The following COL6A6 variants were observed in gnomAD, a reference collection of about 807,000 sequenced individuals.
COL6A6 encodes collagen type VI alpha 6 chain.
A neutral mutation model predicts 208.6 loss-of-function variants in COL6A6; 183 were observed. That is an observed-to-expected ratio of 0.88 (90% CI 0.78 to 0.99). The LOEUF (loss-of-function observed/expected upper bound fraction) is 0.99, where lower values mean the gene tolerates loss of function less well. COL6A6 is among the 50% of genes least tolerant of loss of function. The pLI, the probability that COL6A6 is intolerant of heterozygous loss-of-function variation, is 0.00. For synonymous variants in COL6A6, 973 were observed against 1,011.8 expected (o/e 0.96, Z 0.73); for missense variants, 2,816 against 2,815.2 (o/e 1.00, Z -0.01).
intron 1 of COL6A6, among the ~76,000 whole-genome samples, chr3:130,525,518 C>A (rs1290071598): frequency 6.6e-6 from 1 of 152,168 alleles, no homozygotes; most frequent in African/African-American, 2.4e-5. Context: ...AATTTCAGAG[C>A]AGAAATGGAT....
chr3:130,650,177 C>T lies in COL6A6; in HGVS notation c.5733+615C>T, dbSNP rs373078355. ...CTTTAAAATATCCCGTTAATAGTGG[C>T]TCAGTGGCAGGGCTTCATCACTGGG... On this transcript the variant is annotated intron_variant, in intron 33 of 36. Coordinates refer to ENST00000358511, the MANE Select transcript of COL6A6 (RefSeq NM_001102608.3). 4.8e-4 allele frequency among the ~76,000 whole-genome samples: 73 copies of T among 152,252 alleles called. 2 individuals are homozygous for T. In the South Asian group the frequency reaches 0.015, roughly 31 times the overall value.
rs953103750 is a variant in COL6A6, at chr3:130,563,674, G to A, written c.661+10G>A. Reference sequence around the variant, plus strand: ...GACATCTTTGTAGAAGGTGGGCTTAGGATATGTGTATAGGAATGATGATAA... The same window carrying A: ...GACATCTTTGTAGAAGGTGGGCTTAAGATATGTGTATAGGAATGATGATAA... On this transcript the variant is annotated intron_variant, in intron 3 of 36. Coordinates refer to ENST00000358511, the MANE Select transcript of COL6A6 (RefSeq NM_001102608.3). The A allele has an allele frequency of 2.3e-5, 36 of 1,558,112 alleles. No homozygotes were observed. Among genetic ancestry groups the A allele is most frequent in the Non-Finnish European group, 2.9e-5 (33 of 1,132,620 alleles).
intron 34 of COL6A6, 53 bp downstream of exon 34, chr3:130,658,825 T>TG: frequency 7.7e-7 from 1 of 1,296,532 alleles, no homozygotes; most frequent in African/African-American, 1.5e-5. Context: ...GCATGATGAG[T>TG]CACCACTGGC....
chr3:130,654,790 C>A (rs2065744180), intron 33 of COL6A6, among the ~76,000 whole-genome samples: 1 of 152,146 alleles, frequency 6.6e-6, no homozygotes, highest in Non-Finnish European at 1.5e-5. Flanking sequence ...AGACCGGGGT[C>A]TTATTATTAC....
In COL6A6 at chr3:130,581,421, C is replaced by G. The variant is rs1185070786; in HGVS notation, c.3548-140C>G. ...AAAAGAGTTGATTCTTAGCCTCTTTCTTTATTCATTTATGCCTTTCTTTGT... is the reference window on the plus strand; with the variant it reads ...AAAAGAGTTGATTCTTAGCCTCTTTGTTTATTCATTTATGCCTTTCTTTGT... On this transcript the variant is annotated intron_variant, in intron 8 of 36. Transcript: ENST00000358511. 5.2e-6 allele frequency: 3 copies of G among 572,330 alleles called. No individual in the cohort carries two copies. In the African/African-American group the frequency reaches 5.6e-5, roughly 11 times the overall value. 35.5% of individuals were successfully genotyped at this position (572,330 alleles called of 1,614,324 possible). A position where few individuals can be genotyped will look rare whatever the true frequency, so the allele number is the denominator to read the frequency against.
chr3:130,616,518 A>G (rs901382957), intron 23 of COL6A6, among the ~76,000 whole-genome samples: 7 of 146,826 alleles, frequency 4.8e-5, no homozygotes, highest in African/African-American at 1.8e-4. Flanking sequence ...CCTTTGGTTT[A>G]CCTTAAGGTC....
Position 130,675,468 on chromosome 3 carries a change from T to G in COL6A6, c.*71T>G, listed in dbSNP as rs2066336853. 8.6e-7 allele frequency: 1 copy of G among 1,164,726 alleles called. No homozygotes were observed. The highest frequency in any genetic ancestry group is 1.6e-5 in the African/African-American group (1 of 64,194). The allele number at this position is 1,164,726 out of a possible 1,614,324, so 72.1% of individuals were successfully genotyped here. A position where few individuals can be genotyped will look rare whatever the true frequency, so the allele number is the denominator to read the frequency against. On this transcript the variant is annotated 3_prime_UTR_variant, in exon 37 of 37. Coordinates refer to ENST00000358511, the MANE Select transcript of COL6A6 (RefSeq NM_001102608.3). ...GGACTTAAATAGTAACTAAATCTGC[T>G]GCCAGAACTCAAGCAACAGTTTGTA...
chr3:130,565,424 C>G lies in COL6A6; in HGVS notation c.1092C>G (p.Thr364=). 6.2e-7 allele frequency: 1 copy of G among 1,613,846 alleles called. No homozygotes were observed. Among genetic ancestry groups the G allele is most frequent in the Non-Finnish European group, 8.5e-7 (1 of 1,179,850 alleles). Reference sequence around the variant, plus strand: ...GACGGGAGGGTGTGACCATCTTCACCCTGGGCATAGAGGGCGCCAGCGACA... The same window carrying G: ...GACGGGAGGGTGTGACCATCTTCACGCTGGGCATAGAGGGCGCCAGCGACA... The part of the protein sequence containing the change: ...NLRREGVTIF[T]LGIEGASDTQ... The change falls in exon 4 of 37, where the codon ACC becomes ACG. Residue 364 remains threonine (T), a synonymous_variant. Transcript: ENST00000358511.
At chr3:130,550,969 T>C (rs534872308) in intron 1 of COL6A6, among the ~76,000 whole-genome samples, 4 of 152,364 alleles carry the variant, frequency 2.6e-5, no homozygotes, top group African/African-American at 9.6e-5. Flanking sequence ...CATTTATTGA[T>C]TTGTGTGAGT....
At chr3:130,567,503 A>C (rs1326990330) in intron 5 of COL6A6, among the ~76,000 whole-genome samples, 2 of 152,236 alleles carry the variant, frequency 1.3e-5, no homozygotes, top group Non-Finnish European at 2.9e-5. Flanking sequence ...GCTTCCTCTC[A>C]CAATTTCTTG....
At chr3:130,591,447 A>G (rs1197841262) in intron 13 of COL6A6, among the ~76,000 whole-genome samples, 1 of 152,208 alleles carries the variant, frequency 6.6e-6, no homozygotes, top group Non-Finnish European at 1.5e-5. Flanking sequence ...TCTTGCATTC[A>G]TTCATCCTTC....
chr3:130,526,166 G>A (rs1317876979), intron 1 of COL6A6, among the ~76,000 whole-genome samples: 1 of 152,064 alleles, frequency 6.6e-6, no homozygotes, highest in African/African-American at 2.4e-5. Flanking sequence ...TAAAAAAGGT[G>A]GGAGGTAATT....
chr3:130,611,739 T>G (rs2064365145), intron 23 of COL6A6, among the ~76,000 whole-genome samples: 1 of 152,210 alleles, frequency 6.6e-6, no homozygotes. Context: ...TTAAGAAAAT[T>G]TAAGAGGCTA....
chr3:130,612,369 T>A (rs1226310002), intron 23 of COL6A6, among the ~76,000 whole-genome samples: 1 of 152,184 alleles, frequency 6.6e-6, no homozygotes, highest in Non-Finnish European at 1.5e-5. Context: ...CTTTCCACAA[T>A]GGCTGAACTA....
At chr3:130,557,226 C>A (rs1470309904) in intron 1 of COL6A6, among the ~76,000 whole-genome samples, 2 of 152,204 alleles carry the variant, frequency 1.3e-5, no homozygotes, top group Non-Finnish European at 2.9e-5. Flanking sequence ...ACCTGCATGA[C>A]CCTGTTCAAA....
At chr3:130,603,242 G>A (rs565449158) in intron 20 of COL6A6, among the ~76,000 whole-genome samples, 2 of 152,354 alleles carry the variant, frequency 1.3e-5, no homozygotes, top group South Asian at 4.1e-4. Flanking sequence ...TGGCATTTGG[G>A]TTAAACAATT....
chr3:130,569,047 G>A (rs548788088), intron 6 of COL6A6, among the ~76,000 whole-genome samples: 61 of 152,314 alleles, frequency 4.0e-4, no homozygotes, highest in African/African-American at 1.5e-3. Context: ...ATGAATTACA[G>A]AGTTGGTCCT....
rs374702393 is a variant in COL6A6, at chr3:130,587,453, G to A, written c.4125+793G>A. 4.1e-4 allele frequency among the ~76,000 whole-genome samples: 63 copies of A among 152,250 alleles called. 1 individual carries two copies. In the South Asian group the frequency reaches 0.013, roughly 31 times the overall value. On this transcript the variant is annotated intron_variant, in intron 11 of 36. Transcript: ENST00000358511. The stretch of plus-strand genomic sequence containing the variant: ...ATTTTTGTATATTTAGTAGAAACAG[G>A]GTTTTGCCATGTTGGCCAGGCTGGT...
Position 130,559,821 on chromosome 3 carries a change from T to G in COL6A6, c.-31-513T>G, listed in dbSNP as rs537561727. Among the ~76,000 whole-genome samples, 13 of 152,286 alleles carry G rather than the reference T, an allele frequency of 8.5e-5. No homozygotes were observed. In the East Asian group the frequency reaches 2.5e-3, roughly 29 times the overall value. On this transcript the variant is annotated intron_variant, in intron 1 of 36. Coordinates refer to ENST00000358511, the MANE Select transcript of COL6A6 (RefSeq NM_001102608.3). ...CATTATATGGAATATGGAAAATCAC[T>G]GCTTGTTTTGAAATAGCTACTGTTT...
Sources: allele counts gnomAD v4.1 joint callset (sites outside exome capture counted in the v4.1 genomes callset), GRCh38; gene constraint gnomAD v4.1.1; transcripts MANE v1.5; gene names NCBI Gene and HGNC (gene_info 2026-07-23, HGNC 2026-07-21).